The following RSPH14 variants were observed in gnomAD, a reference collection of about 807,000 sequenced individuals.
The protein encoded by RSPH14 is rhabdoid tumor deletion region gene 1.
A neutral mutation model predicts 26.7 loss-of-function variants in RSPH14; 20 were observed. The ratio of observed to expected loss-of-function variants is 0.75; its 90% CI spans 0.53 to 1.09. RSPH14 has a LOEUF of 1.09. RSPH14 is among the 50% of genes least tolerant of loss of function. The pLI, the probability that RSPH14 is intolerant of heterozygous loss-of-function variation, is 0.00. For missense variants in RSPH14, 449 were observed against 457.2 expected (o/e 0.98, Z 0.16); for synonymous variants, 177 against 189.3 (o/e 0.93, Z 0.53).
At chr22:23,121,661 C>A (rs2070027541) in intron 4 of RSPH14, among the ~76,000 whole-genome samples, 1 of 151,690 alleles carries the variant, frequency 6.6e-6, no homozygotes, top group African/African-American at 2.4e-5. Context: ...TCACTACCAG[C>A]TGCAGTTACC....
At chr22:23,140,145 T>C in intron 2 of RSPH14, 77 bp downstream of exon 2, 1 of 1,570,650 alleles carries the variant, frequency 6.4e-7, no homozygotes, top group Non-Finnish European at 8.7e-7. Flanking sequence ...TAGCAACCCT[T>C]ATTACTGAAG....
At chr22:23,112,789 G>A (rs979768761) in intron 4 of RSPH14, among the ~76,000 whole-genome samples, 13 of 152,112 alleles carry the variant, frequency 8.5e-5, no homozygotes, top group Non-Finnish European at 1.5e-4. Context: ...CTGAAGCACA[G>A]AAGACCCTCA....
At chr22:23,102,068 CCCA>C (rs147756322) in intron 4 of RSPH14, among the ~76,000 whole-genome samples, 260 of 152,350 alleles carry the variant, frequency 1.7e-3, no homozygotes, top group African/African-American at 5.6e-3. Context: ...GCCTAGAGGC[CCCA>C]CCAACACTTG....
chr22:23,096,870 G>A (rs2069140834), intron 4 of RSPH14, among the ~76,000 whole-genome samples: 1 of 152,244 alleles, frequency 6.6e-6, no homozygotes, highest in Non-Finnish European at 1.5e-5. Context: ...AGGGGACGAC[G>A]TAAAAGCAGG....
In RSPH14 at chr22:23,059,506, G is replaced by A. The variant is rs145771609; in HGVS notation, c.1003C>T (p.Arg335Trp). The change falls in exon 7 of 7, where the codon CGG becomes TGG. Residue 335 changes from arginine (R) to tryptophan (W), a missense_variant. By Grantham distance (101) the Arg-to-Trp change is moderately radical. Transcript: ENST00000216036. ...EKPQVAEALQ[R>W]AARIAISVIE... ...ACACTGATGGCGATCCGGGCTGCCC[G>A]CTGTAAGGCTTCGGCCACTTGAGGC... 15 of 1,613,706 alleles carry A rather than the reference G, an allele frequency of 9.3e-6. No individual in the cohort carries two copies. The highest frequency in any genetic ancestry group is 1.7e-5 in the Admixed American group (1 of 59,962).
chr22:23,062,086 AG>A, intron 5 of RSPH14, 141 bp from the exon 6 acceptor site: 1 of 1,032,692 alleles, frequency 9.7e-7, no homozygotes, highest in Non-Finnish European at 1.4e-6. Context: ...CCCATGATCC[AG>A]GACTGGTCAT....
the RSPH14 span, among the ~76,000 whole-genome samples, chr22:23,153,969 G>T: frequency 6.6e-6 from 1 of 152,096 alleles, no homozygotes; most frequent in Admixed American, 6.5e-5. Flanking sequence ...GATTACAGGT[G>T]TGAGCCACCG....
chr22:23,161,818 G>A, the RSPH14 span: 1 of 507,226 alleles, frequency 2.0e-6, no homozygotes, highest in Admixed American at 3.4e-5. Context: ...CAGGCACTGT[G>A]GTGATCCCAT....
At chr22:23,065,760 T>C (rs1300255950) in intron 4 of RSPH14, among the ~76,000 whole-genome samples, 2 of 152,112 alleles carry the variant, frequency 1.3e-5, no homozygotes, top group Non-Finnish European at 2.9e-5. Flanking sequence ...CATCTGGGCC[T>C]AGGGTGGCAA....
At chr22:23,062,166 T>C (rs565270429) in intron 5 of RSPH14, among the ~76,000 whole-genome samples, 39 of 151,980 alleles carry the variant, frequency 2.6e-4, no homozygotes, top group African/African-American at 8.2e-4. Context: ...GACCACGGGG[T>C]GACAGGGCCT....
the RSPH14 span, among the ~76,000 whole-genome samples, chr22:23,152,306 A>T: frequency 6.6e-6 from 1 of 152,112 alleles, no homozygotes; most frequent in Admixed American, 6.5e-5. Context: ...GGGGACTGTG[A>T]AGGGGGAACA....
chr22:23,095,875 C>A, intron 4 of RSPH14: 1 of 1,613,766 alleles, frequency 6.2e-7, no homozygotes, highest in Non-Finnish European at 8.5e-7. Context: ...ACAGCGGCGG[C>A]TTCAACCTGG....
At chr22:23,161,346 G>T in the RSPH14 span, among the ~76,000 whole-genome samples, 77,793 of 152,034 alleles carry the variant, frequency 0.51, 20,086 homozygotes, top group East Asian at 0.65. Flanking sequence ...GTGCCTGGAA[G>T]GCCCTCTCTT....
intron 4 of RSPH14, chr22:23,123,602 C>T (rs769797797): frequency 2.7e-5 from 16 of 600,276 alleles, no homozygotes; most frequent in Non-Finnish European, 3.3e-5. Flanking sequence ...TAAATATTTA[C>T]GGATAGATTG....
chr22:23,064,807 T>C (rs2068169395), intron 4 of RSPH14, among the ~76,000 whole-genome samples: 1 of 152,078 alleles, frequency 6.6e-6, no homozygotes, highest in Admixed American at 6.5e-5. Context: ...AGAAGCACAA[T>C]GAGGCAAGGC....
upstream of RSPH14, among the ~76,000 whole-genome samples, chr22:23,142,810 G>A (rs1193518750): frequency 1.3e-5 from 2 of 152,146 alleles, no homozygotes; most frequent in Admixed American, 1.3e-4. Context: ...GCCACCACCT[G>A]CATAAAACCC....
chr22:23,100,311 T>C (rs1238907081), intron 4 of RSPH14, among the ~76,000 whole-genome samples: 1 of 152,206 alleles, frequency 6.6e-6, no homozygotes, highest in Non-Finnish European at 1.5e-5. Flanking sequence ...AGTGTCCCCA[T>C]TGTGCTTTCA....
At chr22:23,171,233 T>C in the RSPH14 span, among the ~76,000 whole-genome samples, 113 of 152,264 alleles carry the variant, frequency 7.4e-4, no homozygotes, top group African/African-American at 2.6e-3. Context: ...CCCAAAGTGC[T>C]GGGATTACAG....
the RSPH14 span, chr22:23,163,606 G>GCACCCCC: frequency 8.0e-6 from 1 of 125,234 alleles, no homozygotes; most frequent in African/African-American, 2.7e-5. Flanking sequence ...CAAGGTGAAA[G>GCACCCCC]CCCCCCCCCC....
Sources: allele counts gnomAD v4.1 joint callset (sites outside exome capture counted in the v4.1 genomes callset), GRCh38; gene constraint gnomAD v4.1.1; transcripts MANE v1.5; gene names NCBI Gene and HGNC (gene_info 2026-07-23, HGNC 2026-07-21).